Variants in PCDHA2 observed in about 807,000 individuals in gnomAD.
PCDHA2 encodes the protein protocadherin alpha 2.
Under a neutral mutation model 66.0 loss-of-function variants are expected in PCDHA2, and 58 were observed. The observed-to-expected ratio is 0.88, with a 90% CI of 0.71 to 1.09. PCDHA2 has a LOEUF of 1.09. PCDHA2 is among the 50% of genes least tolerant of loss of function. The probability of loss-of-function intolerance (pLI) is 0.00; values close to 1 mark genes in which losing one functional copy is unlikely to be tolerated. For synonymous variants in PCDHA2, 634 were observed against 554.0 expected (o/e 1.14, Z -2.03); for missense variants, 1,267 against 1,242.3 (o/e 1.02, Z -0.30).
chr5:140,802,323 G>T (rs1459793883), intron 1 of PCDHA2: 1 of 1,614,220 alleles, frequency 6.2e-7, no homozygotes, highest in Non-Finnish European at 8.5e-7. Context: ...CAGCGTGTCC[G>T]ACCGCGACTC....
At chr5:140,802,972 C>T (rs1554122491) in intron 1 of PCDHA2, 4 of 1,613,864 alleles carry the variant, frequency 2.5e-6, no homozygotes, top group African/African-American at 2.7e-5. Flanking sequence ...CACGTGGTAG[C>T]GAAGGTGCGC....
At chr5:140,828,142 G>T in intron 1 of PCDHA2, 1 of 1,613,968 alleles carries the variant, frequency 6.2e-7, no homozygotes, top group Non-Finnish European at 8.5e-7. Flanking sequence ...TGCTCCTCCC[G>T]CTTCTGCTCC....
At chr5:140,969,765 G>T (rs1445266469) in intron 1 of PCDHA2, among the ~76,000 whole-genome samples, 5 of 152,148 alleles carry the variant, frequency 3.3e-5, no homozygotes, top group Non-Finnish European at 7.3e-5. Flanking sequence ...AAGCTCTGAG[G>T]CCTCTAGGGG....
chr5:140,867,991 T>G (rs1379820729), intron 1 of PCDHA2: 8 of 152,164 alleles, frequency 5.3e-5, no homozygotes, highest in Non-Finnish European at 8.8e-5. Flanking sequence ...ACTATTTTCA[T>G]GAATATAACT....
At chr5:140,914,426 A>T (rs1554196349) in intron 1 of PCDHA2, among the ~76,000 whole-genome samples, 1 of 152,140 alleles carries the variant, frequency 6.6e-6, no homozygotes. Context: ...TTAGCAAGGA[A>T]TATCTTTTCC....
chr5:140,810,589 T>G (rs543690112), intron 1 of PCDHA2: 1 of 152,334 alleles, frequency 6.6e-6, no homozygotes, highest in African/African-American at 2.4e-5. Context: ...ACCTTTCTAT[T>G]TTATTTTGGC....
chr5:140,954,599 C>T (rs1554221480), intron 1 of PCDHA2, among the ~76,000 whole-genome samples: 1 of 152,042 alleles, frequency 6.6e-6, no homozygotes, highest in East Asian at 1.9e-4. Flanking sequence ...ATGTTCTTTG[C>T]CCACTTTTTA....
intron 1 of PCDHA2, chr5:140,877,080 C>A (rs113692468): frequency 9.9e-6 from 16 of 1,612,944 alleles, no homozygotes; most frequent in Non-Finnish European, 1.4e-5. Flanking sequence ...TCCAGGTGAG[C>A]GCGCGCGACG....
At chr5:140,876,868 G>A in intron 1 of PCDHA2, 7 of 1,614,160 alleles carry the variant, frequency 4.3e-6, no homozygotes, top group Non-Finnish European at 5.9e-6. Context: ...GTTCGTGAAG[G>A]AGAACAACCC....
At chr5:140,849,937 A>T (rs1554143515) in intron 1 of PCDHA2, 3 of 1,598,056 alleles carry the variant, frequency 1.9e-6, no homozygotes, top group Non-Finnish European at 2.6e-6. Flanking sequence ...TCTGCGCGGG[A>T]CGCTGACGCG....
intron 1 of PCDHA2, chr5:140,877,670 C>A: frequency 6.2e-7 from 1 of 1,613,654 alleles, no homozygotes; most frequent in Non-Finnish European, 8.5e-7. Flanking sequence ...AGCCGGTGCG[C>A]GCCGGGCAAG....
At chr5:140,972,500 T>C (rs1554234162) in intron 1 of PCDHA2, among the ~76,000 whole-genome samples, 1 of 152,108 alleles carries the variant, frequency 6.6e-6, no homozygotes, top group Non-Finnish European at 1.5e-5. Flanking sequence ...AATCTGTTGG[T>C]AGATTTTACC....
intron 1 of PCDHA2, chr5:140,856,437 C>T (rs2043996083): frequency 1.9e-6 from 3 of 1,598,304 alleles, no homozygotes; most frequent in Non-Finnish European, 1.7e-6. Flanking sequence ...GACAACCCGC[C>T]CAGGTTCTCC....
At chr5:140,968,612 C>A (rs782101758) in intron 1 of PCDHA2, 2 of 1,614,204 alleles carry the variant, frequency 1.2e-6, no homozygotes, top group East Asian at 2.2e-5. Flanking sequence ...AGACTCTGGG[C>A]AAAATGCTTG....
chr5:140,842,257 A>C, intron 1 of PCDHA2: 1 of 1,611,472 alleles, frequency 6.2e-7, no homozygotes, highest in African/African-American at 1.3e-5. Flanking sequence ...ATTTTGAACA[A>C]GAAAACTTAT....
rs114640080 is a variant in PCDHA2, at chr5:140,841,887, A to C, written c.2388+44535A>C. The C allele has an allele frequency of 8.3e-4, 1,346 of 1,613,824 alleles. 14 individuals are homozygous for C. In the African/African-American group the frequency reaches 0.016, roughly 20 times the overall value. ...GATGTGAATTCAAAGAACGATGAGA[A>C]TAAACTGGTTGAGCTCGTATTAAGA... On this transcript the variant is annotated intron_variant, in intron 1 of 3. Transcript: ENST00000526136.
At chr5:140,883,547 G>GC in intron 1 of PCDHA2, 5 of 1,614,234 alleles carry the variant, frequency 3.1e-6, no homozygotes, top group Non-Finnish European at 3.4e-6. Context: ...GGTGGTGACC[G>GC]CGCGGGACGG....
intron 1 of PCDHA2, among the ~76,000 whole-genome samples, chr5:140,819,549 G>C (rs1554127713): frequency 6.6e-6 from 1 of 152,080 alleles, no homozygotes; most frequent in Non-Finnish European, 1.5e-5. Flanking sequence ...TGTAACATTT[G>C]ATTGAAGAAA....
intron 1 of PCDHA2, among the ~76,000 whole-genome samples, chr5:140,975,626 G>A (rs1234889198): frequency 6.6e-6 from 1 of 152,156 alleles, no homozygotes; most frequent in African/African-American, 2.4e-5. Flanking sequence ...GATTTCCATG[G>A]TACGAAGATA....
Sources: allele counts gnomAD v4.1 joint callset (sites outside exome capture counted in the v4.1 genomes callset), GRCh38; gene constraint gnomAD v4.1.1; transcripts MANE v1.5; gene names NCBI Gene and HGNC (gene_info 2026-07-23, HGNC 2026-07-21).